The following SOX5 variants were observed in gnomAD, a reference collection of about 807,000 sequenced individuals.
The protein encoded by SOX5 is transcription factor SOX-5.
A neutral mutation model predicts 92.0 loss-of-function variants in SOX5; 9 were observed. The ratio of observed to expected loss-of-function variants is 0.10; its 90% CI spans 0.06 to 0.17. The LOEUF (loss-of-function observed/expected upper bound fraction) is 0.17, where lower values mean the gene tolerates loss of function less well. Among genes scored for constraint, SOX5 ranks in the 10% least tolerant of loss-of-function variants. The pLI, the probability that SOX5 is intolerant of heterozygous loss-of-function variation, is 1.00. For synonymous variants in SOX5, 344 were observed against 336.3 expected, an observed-to-expected ratio of 1.02 and a Z score of -0.25; for missense variants, 642 against 944.5, an observed-to-expected ratio of 0.68 and a Z score of 4.20.
intron 4 of SOX5, among the ~76,000 whole-genome samples, chr12:24,095,124 CACACAGAGAGAGAGAG>C (rs1468103896): frequency 5.7e-5 from 6 of 105,110 alleles, no homozygotes; most frequent in Admixed American, 9.7e-5. Flanking sequence ...CACACACACA[CACACAGAGAGAGAGAG>C]AGAGAGAGAG....
chr12:24,494,419 C>A (rs1037740506), intron 1 of SOX5, among the ~76,000 whole-genome samples: 1 of 152,118 alleles, frequency 6.6e-6, no homozygotes, highest in Admixed American at 6.5e-5. Context: ...CAAAGTGCTT[C>A]CCATTTATTA....
At chr12:23,555,545 C>A (rs543994112) in intron 11 of SOX5, among the ~76,000 whole-genome samples, 2 of 151,648 alleles carry the variant, frequency 1.3e-5, no homozygotes, top group East Asian at 1.9e-4. Context: ...CCCCACCAAG[C>A]GTGGGCACTT....
At chr12:24,511,786 G>A (rs1202213037) in intron 1 of SOX5, among the ~76,000 whole-genome samples, 5 of 151,864 alleles carry the variant, frequency 3.3e-5, no homozygotes, top group East Asian at 1.9e-4. Context: ...GTGAAACCCC[G>A]TCTCTACTAA....
intron 3 of SOX5, among the ~76,000 whole-genome samples, chr12:23,800,209 T>A (rs901912311): frequency 3.3e-5 from 5 of 152,172 alleles, no homozygotes; most frequent in African/African-American, 1.2e-4. Flanking sequence ...GAAAACGATA[T>A]AAAATTTACA....
At chr12:24,209,087 A>G (rs1241023701) in intron 4 of SOX5, among the ~76,000 whole-genome samples, 1 of 152,180 alleles carries the variant, frequency 6.6e-6, no homozygotes, top group Non-Finnish European at 1.5e-5. Flanking sequence ...AAAAGTTTTT[A>G]TTTGTTTTTA....
At chr12:23,953,414 A>C (rs1441815493), upstream of SOX5, among the ~76,000 whole-genome samples, 2 of 152,094 alleles carry the variant, frequency 1.3e-5, no homozygotes, top group Non-Finnish European at 1.5e-5. Flanking sequence ...TATTCAATTG[A>C]CTATAGATAT....
At chr12:23,611,377 T>TGC (rs2075935318) in intron 8 of SOX5, among the ~76,000 whole-genome samples, 1 of 139,950 alleles carries the variant, frequency 7.1e-6, no homozygotes, top group Non-Finnish European at 1.6e-5. Context: ...TGCGTGTGTG[T>TGC]GTGTGTGTGT....
chr12:24,319,873 C>A (rs550213481), intron 2 of SOX5, among the ~76,000 whole-genome samples: 1 of 152,214 alleles, frequency 6.6e-6, no homozygotes, highest in Non-Finnish European at 1.5e-5. Flanking sequence ...CTCACTCAAA[C>A]GTCACCTCTT....
chr12:23,855,377 G>A (rs2096675555), intron 2 of SOX5, among the ~76,000 whole-genome samples: 1 of 151,870 alleles, frequency 6.6e-6, no homozygotes, highest in South Asian at 2.1e-4. Flanking sequence ...AAATTTCACA[G>A]TTTCATGGTT....
chr12:24,271,998 C>CAA (rs1555206769), intron 3 of SOX5, among the ~76,000 whole-genome samples: 1 of 150,978 alleles, frequency 6.6e-6, no homozygotes, highest in Non-Finnish European at 1.5e-5. Context: ...CACACACACA[C>CAA]AATGTACAGA....
At chr12:24,449,517 C>T (rs967472820) in intron 1 of SOX5, among the ~76,000 whole-genome samples, 2 of 152,200 alleles carry the variant, frequency 1.3e-5, no homozygotes, top group African/African-American at 4.8e-5. Context: ...AGTTACCGCT[C>T]GTTGACATTT....
intron 3 of SOX5, among the ~76,000 whole-genome samples, chr12:24,254,467 C>G (rs1940772278): frequency 6.6e-6 from 1 of 151,500 alleles, no homozygotes; most frequent in South Asian, 2.1e-4. Flanking sequence ...CTTACCCATG[C>G]TCCAAACACC....
intron 4 of SOX5, among the ~76,000 whole-genome samples, chr12:23,977,733 A>C (rs572420876): frequency 1.7e-3 from 263 of 151,768 alleles, no homozygotes; most frequent in African/African-American, 6.0e-3. Flanking sequence ...TTATCTCATT[A>C]TTTTATCTAA....
At chr12:24,432,906 C>T (rs987938907) in intron 1 of SOX5, among the ~76,000 whole-genome samples, 1 of 151,976 alleles carries the variant, frequency 6.6e-6, no homozygotes, top group African/African-American at 2.4e-5. Flanking sequence ...AAAAACAAAA[C>T]CATTTCTAAA....
chr12:23,694,044 A>G (rs2089378016), intron 6 of SOX5, among the ~76,000 whole-genome samples: 1 of 152,196 alleles, frequency 6.6e-6, no homozygotes, highest in Admixed American at 6.5e-5. Context: ...TCACTGAGGT[A>G]TGCAATTTTA....
At chr12:24,156,169 C>A (rs1952150665) in intron 4 of SOX5, among the ~76,000 whole-genome samples, 1 of 152,086 alleles carries the variant, frequency 6.6e-6, no homozygotes, top group African/African-American at 2.4e-5. Flanking sequence ...TACCTGTAGG[C>A]TTATAGCCAA....
At chr12:24,301,632 T>C (rs1269618440) in intron 2 of SOX5, among the ~76,000 whole-genome samples, 3 of 152,344 alleles carry the variant, frequency 2.0e-5, no homozygotes, top group African/African-American at 7.2e-5. Flanking sequence ...CAGCCCTTTA[T>C]TGCAGTTTCT....
intron 1 of SOX5, among the ~76,000 whole-genome samples, chr12:24,552,042 C>A (rs1328446635): frequency 1.3e-5 from 2 of 151,736 alleles, no homozygotes; most frequent in African/African-American, 4.9e-5. Context: ...AAGTTATTTC[C>A]AAGGCTAGAA....
rs113045332 is a variant in SOX5, at chr12:24,454,285, C to T, written c.-250-85646G>A. Among the ~76,000 whole-genome samples, 603 of 152,306 alleles carry T rather than the reference C, an allele frequency of 4.0e-3. 4 individuals are homozygous for T. Among genetic ancestry groups the T allele is most frequent in the Middle Eastern group, 0.017 (5 of 294 alleles). On this transcript the variant is annotated intron_variant, in intron 1 of 4. Transcript: ENST00000446891. Reference sequence around the variant, plus strand: ...ACAATTCTAAAGTGATCCAGCATCACAATCCCACTTAAGCAAGCAACTCTC... The same window carrying T: ...ACAATTCTAAAGTGATCCAGCATCATAATCCCACTTAAGCAAGCAACTCTC...
Sources: allele counts gnomAD v4.1 joint callset (sites outside exome capture counted in the v4.1 genomes callset), GRCh38; gene constraint gnomAD v4.1.1; transcripts MANE v1.5; gene names NCBI Gene and HGNC (gene_info 2026-07-23, HGNC 2026-07-21).